LMO7: variants seen among roughly 807,000 people sequenced by gnomAD.
LMO7 encodes LIM domain only protein 7.
In LMO7, 120 loss-of-function variants were observed where a neutral mutation model predicts 206.5. That is an observed-to-expected ratio of 0.58 (90% confidence interval 0.50 to 0.68). LMO7 has a LOEUF of 0.68. Among genes scored for constraint, LMO7 ranks in the 30% least tolerant of loss-of-function variants. The pLI, the probability that LMO7 is intolerant of heterozygous loss-of-function variation, is 0.00. For missense variants in LMO7, 1,959 were observed against 1,957.9 expected, an observed-to-expected ratio of 1.00 and a Z score of -0.01; for synonymous variants, 706 against 681.5, an observed-to-expected ratio of 1.04 and a Z score of -0.56.
intron 1 of LMO7, among the ~76,000 whole-genome samples, chr13:75,651,124 T>C (rs767256481): frequency 2.0e-5 from 3 of 152,342 alleles, no homozygotes; most frequent in Admixed American, 1.3e-4. Flanking sequence ...GCTGATACTT[T>C]TGAAGTTTGG....
intron 9 of LMO7, 198 bp downstream of exon 9, chr13:75,805,958 C>G: frequency 8.8e-7 from 1 of 1,140,410 alleles, no homozygotes; most frequent in Non-Finnish European, 1.2e-6. Context: ...AAGCCCTGTT[C>G]TATACATAGT....
chr13:75,759,309 G>A (rs1455123655), intron 3 of LMO7, among the ~76,000 whole-genome samples: 3 of 152,124 alleles, frequency 2.0e-5, no homozygotes, highest in East Asian at 1.9e-4. Context: ...GGAACTTGGG[G>A]TATTGGTACA....
chr13:75,735,721 G>A (rs1015592411), intron 3 of LMO7, among the ~76,000 whole-genome samples: 13 of 150,970 alleles, frequency 8.6e-5, no homozygotes, highest in South Asian at 2.1e-4. Context: ...GGATTTGCCC[G>A]CCTCGGCCTC....
intron 4 of LMO7, among the ~76,000 whole-genome samples, chr13:75,786,418 A>G (rs61958157): frequency 0.11 from 16,360 of 147,390 alleles, 1,312 homozygotes; most frequent in Admixed American, 0.24. Context: ...TCTGTTGCTC[A>G]GGCTGGAGTG....
intron 25 of LMO7, among the ~76,000 whole-genome samples, chr13:75,843,784 G>A (rs900007424): frequency 6.6e-6 from 1 of 152,152 alleles, no homozygotes; most frequent in African/African-American, 2.4e-5. Flanking sequence ...ATTGAGGGTA[G>A]GGCCATTACC....
At chr13:75,812,001 G>A (rs143371572) in intron 11 of LMO7, among the ~76,000 whole-genome samples, 224 of 152,194 alleles carry the variant, frequency 1.5e-3, no homozygotes, top group African/African-American at 5.2e-3. Context: ...CAGCAAAAAA[G>A]AAAGGGAAAA....
At position 75,821,711 on chromosome 13, in the gene LMO7, A is replaced by G. The variant is rs1376575236; in HGVS notation, c.2640+102A>G. 7.2e-6 allele frequency: 5 copies of G among 694,422 alleles called. No individual in the cohort carries two copies. The East Asian group carries it at 1.1e-4, about 15-fold the overall frequency. The allele number at this position is 694,422 out of a possible 1,614,324, so 43.0% of individuals were successfully genotyped here. A position where few individuals can be genotyped will look rare whatever the true frequency, so the allele number is the denominator to read the frequency against. ...CATCAACTTGATGTGTAAACTGTAC[A>G]TAACATATATAAGGACATTTTATTT... On this transcript the variant is annotated intron_variant, in intron 14 of 30. Transcript: ENST00000377534.
chr13:75,696,909 T>G (rs1253613481), intron 1 of LMO7, among the ~76,000 whole-genome samples: 1 of 152,184 alleles, frequency 6.6e-6, no homozygotes, highest in Non-Finnish European at 1.5e-5. Context: ...CAGCCAGTTG[T>G]GGCTATGAGG....
At chr13:75,641,159 G>A (rs753415531) in intron 1 of LMO7, among the ~76,000 whole-genome samples, 13 of 152,314 alleles carry the variant, frequency 8.5e-5, no homozygotes, top group Admixed American at 6.5e-5. Context: ...CCGGTGCATC[G>A]TGATGGCATT....
At chr13:75,741,335 A>G (rs1366132926) in intron 3 of LMO7, among the ~76,000 whole-genome samples, 5 of 152,226 alleles carry the variant, frequency 3.3e-5, no homozygotes, top group Non-Finnish European at 7.3e-5. Context: ...CTATAGTATT[A>G]CCATTATCAA....
intron 11 of LMO7, among the ~76,000 whole-genome samples, chr13:75,812,454 A>G (rs2056507970): frequency 1.3e-5 from 2 of 151,118 alleles, no homozygotes; most frequent in South Asian, 2.1e-4. Flanking sequence ...CCCTAGTATC[A>G]TGGAATTTCT....
intron 2 of LMO7, among the ~76,000 whole-genome samples, chr13:75,720,447 G>T: frequency 6.6e-6 from 1 of 152,090 alleles, no homozygotes; most frequent in East Asian, 1.9e-4. Flanking sequence ...TTTTCTTCTA[G>T]GAGTTTTAAT....
chr13:75,841,074 T>C, intron 22 of LMO7, 35 bp from the exon 23 acceptor site: 2 of 1,293,966 alleles, frequency 1.5e-6, no homozygotes, highest in South Asian at 2.5e-5. Context: ...GAAGAGTTAA[T>C]CTATTGGATT....
At chr13:75,647,238 A>G (rs1289944812) in intron 1 of LMO7, among the ~76,000 whole-genome samples, 2 of 152,212 alleles carry the variant, frequency 1.3e-5, no homozygotes, top group African/African-American at 4.8e-5. Flanking sequence ...TGGATGAATG[A>G]ACAAATACCT....
intron 4 of LMO7, among the ~76,000 whole-genome samples, chr13:75,795,067 T>G (rs1046431811): frequency 1.3e-5 from 2 of 152,098 alleles, no homozygotes; most frequent in African/African-American, 4.8e-5. Flanking sequence ...GGTTTAAACC[T>G]TGTTTAAGAA....
chr13:75,671,496 A>T (rs1793113924), intron 1 of LMO7, among the ~76,000 whole-genome samples: 1 of 152,090 alleles, frequency 6.6e-6, no homozygotes, highest in African/African-American at 2.4e-5. Flanking sequence ...TTTGACCAGA[A>T]CATCTTTATC....
rs532984694 is a variant in LMO7, at chr13:75,821,356, C to A, written c.2387C>A (p.Thr796Asn). Residue 796 changes from threonine to asparagine, a missense_variant, in exon 14 of 31, where the codon ACC (threonine) becomes AAC (asparagine). By Grantham distance (65) the Thr-to-Asn change is moderately conservative. Coordinates refer to ENST00000377534, the MANE Select transcript of LMO7 (RefSeq NM_001306080.2). ...YPSEIPKEDS[T>N]TFAKREDRVT... is the part of the protein sequence containing the mutation. ...TCAGAAATTCCCAAAGAAGATTCTA[C>A]CACTTTTGCAAAAAGAGAGGACCGT... The A allele has an allele frequency of 6.8e-6, 11 of 1,614,100 alleles. No individual in the cohort carries two copies. The African/African-American group carries it at 1.2e-4, about 18-fold the overall frequency.
Position 75,732,570 on chromosome 13 carries a change from C to A in LMO7, c.210+5472C>A, listed in dbSNP as rs138932672. On this transcript the variant is annotated intron_variant, in intron 3 of 30. Coordinates refer to ENST00000377534, the MANE Select transcript of LMO7 (RefSeq NM_001306080.2). ...TTCAACTTCTTTGCCTTTGGTTTGA[C>A]TTTCCTCCTGTAGCTCGGAGTAGTT... is the stretch of plus-strand genomic sequence containing the variant. Among the ~76,000 whole-genome samples the A allele has an allele frequency of 4.8e-3, 733 of 151,784 alleles. 8 individuals are homozygous for A. The highest frequency in any genetic ancestry group is 0.017 in the African/African-American group (693 of 41,496).
intron 4 of LMO7, among the ~76,000 whole-genome samples, chr13:75,761,832 CT>C (rs1365835650): frequency 1.3e-5 from 2 of 151,724 alleles, no homozygotes; most frequent in Non-Finnish European, 2.9e-5. Flanking sequence ...CCTCTTAAAC[CT>C]AATTAACATT....
Sources: gnomAD v4.1 joint callset for allele counts (sites outside exome capture counted in the v4.1 genomes callset) on GRCh38, gnomAD v4.1.1 for gene constraint, MANE v1.5 for transcripts, NCBI Gene and HGNC (gene_info 2026-07-23, HGNC 2026-07-21) for gene names.